Variants in NIBAN1 observed in about 807,000 individuals in gnomAD.
The protein encoded by NIBAN1 is niban apoptosis regulator 1.
NIBAN1 carries 81 observed loss-of-function variants against 75.1 expected under a neutral mutation model. The observed-to-expected ratio is 1.08, with a 90% CI of 0.90 to 1.30. NIBAN1 has a LOEUF of 1.30. Among genes scored for constraint, NIBAN1 ranks in the 50% most tolerant of loss-of-function variants. The pLI is 0.00. For synonymous variants in NIBAN1, 436 were observed against 424.8 expected (o/e 1.03, Z -0.32); for missense variants, 1,133 against 1,128.1 (o/e 1.00, Z -0.06).
chr1:184,867,468 T>G (rs1316206475), intron 5 of NIBAN1, among the ~76,000 whole-genome samples: 1 of 152,184 alleles, frequency 6.6e-6, no homozygotes, highest in Admixed American at 6.5e-5. Context: ...ATACCTAATC[T>G]GATATCCTAA....
chr1:184,800,623 A>C (rs576321848), intron 12 of NIBAN1, among the ~76,000 whole-genome samples: 1 of 152,068 alleles, frequency 6.6e-6, no homozygotes, highest in Admixed American at 6.5e-5. Flanking sequence ...TAAATAGGGA[A>C]TCCTTTCCCC....
At chr1:184,880,054 G>A (rs1198885198) in intron 5 of NIBAN1, among the ~76,000 whole-genome samples, 1 of 152,164 alleles carries the variant, frequency 6.6e-6, no homozygotes, top group Non-Finnish European at 1.5e-5. Context: ...GTGAACACTG[G>A]CATCTGTTTA....
intron 1 of NIBAN1, among the ~76,000 whole-genome samples, chr1:184,934,137 C>T (rs1252643665): frequency 6.6e-6 from 1 of 152,136 alleles, no homozygotes; most frequent in Non-Finnish European, 1.5e-5. Context: ...ACTATGCAGC[C>T]ATAAAAAGTA....
intron 1 of NIBAN1, among the ~76,000 whole-genome samples, chr1:184,939,752 A>G (rs1432121974): frequency 6.6e-6 from 1 of 152,136 alleles, no homozygotes; most frequent in Non-Finnish European, 1.5e-5. Flanking sequence ...TACAAGGAGT[A>G]AGTTATGTCA....
At position 184,867,992 on chromosome 1, in the gene NIBAN1, G is replaced by GA. The variant is rs1161837659; in HGVS notation, c.601+16640dup. On this transcript the variant is annotated intron_variant, in intron 5 of 13. Transcript: ENST00000367511. ...GGTGGGGAAGGAAAAAACAACAAAT[G>GA]AAGAGAAGTCTCAGTTCCTTTCTTA... The GA allele has an allele frequency of 1.0e-5, 10 of 985,318 alleles. No homozygotes were observed. The African/African-American group carries it at 1.7e-4, about 17-fold the overall frequency. The allele number at this position is 985,318 out of a possible 1,614,324, so 61.0% of individuals were successfully genotyped here.
intron 5 of NIBAN1, among the ~76,000 whole-genome samples, chr1:184,862,599 G>A (rs546061220): frequency 2.0e-5 from 3 of 152,274 alleles, no homozygotes; most frequent in Admixed American, 1.3e-4. Context: ...TGCAAATGAA[G>A]AACTTGAAAG....
chr1:184,814,433 T>G (rs1377861274), intron 9 of NIBAN1, among the ~76,000 whole-genome samples: 1 of 152,152 alleles, frequency 6.6e-6, no homozygotes, highest in Non-Finnish European at 1.5e-5. Flanking sequence ...TAAAAATGAT[T>G]TTTATATAAT....
chr1:184,799,568 TG>T (rs1315806276), intron 12 of NIBAN1, among the ~76,000 whole-genome samples: 1 of 143,076 alleles, frequency 7.0e-6, no homozygotes, highest in East Asian at 2.1e-4. Context: ...AGTAATGGGA[TG>T]GCTGGGTCAA....
chr1:184,831,524 C>T (rs561578880), intron 6 of NIBAN1, among the ~76,000 whole-genome samples: 1 of 152,270 alleles, frequency 6.6e-6, no homozygotes, highest in East Asian at 1.9e-4. Flanking sequence ...CACTATTCCT[C>T]GGTACTCACA....
chr1:184,815,168 T>C (rs1289475345), intron 9 of NIBAN1, among the ~76,000 whole-genome samples: 1 of 152,198 alleles, frequency 6.6e-6, no homozygotes, highest in East Asian at 1.9e-4. Flanking sequence ...TGTTTTCTAG[T>C]TGTATAAAAG....
intron 1 of NIBAN1, among the ~76,000 whole-genome samples, chr1:184,971,119 C>G (rs1262371323): frequency 6.6e-6 from 1 of 151,228 alleles, no homozygotes; most frequent in Non-Finnish European, 1.5e-5. Flanking sequence ...AATCCCATCT[C>G]TACAAAAAAT....
intron 1 of NIBAN1, among the ~76,000 whole-genome samples, chr1:184,923,661 G>A (rs926775981): frequency 6.6e-6 from 1 of 152,074 alleles, no homozygotes; most frequent in Admixed American, 6.5e-5. Flanking sequence ...GGGTTGGGTG[G>A]TATGGATATT....
At chr1:184,913,761 GACA>G in intron 1 of NIBAN1, among the ~76,000 whole-genome samples, 1 of 152,182 alleles carries the variant, frequency 6.6e-6, no homozygotes, top group Admixed American at 6.5e-5. Flanking sequence ...GGACTGCCTA[GACA>G]TAAGAGCAAC....
intron 11 of NIBAN1, among the ~76,000 whole-genome samples, chr1:184,804,772 G>GT (rs199598291): frequency 0.024 from 3,400 of 142,186 alleles, 38 homozygotes; most frequent in Non-Finnish European, 0.035. Context: ...CAATATTGGT[G>GT]TTTTTTTTTT....
At chr1:184,939,273 A>G (rs1658032552) in intron 1 of NIBAN1, among the ~76,000 whole-genome samples, 1 of 152,222 alleles carries the variant, frequency 6.6e-6, no homozygotes. Context: ...AAAGAGAGTG[A>G]CACTTCCAGG....
intron 5 of NIBAN1, among the ~76,000 whole-genome samples, chr1:184,837,648 G>T (rs886272991): frequency 2.4e-4 from 36 of 152,110 alleles, no homozygotes; most frequent in African/African-American, 7.5e-4. Context: ...TTTGGCCCCG[G>T]CTTGATTATT....
In NIBAN1 at chr1:184,974,288, G is replaced by A; in HGVS notation, c.55+14C>T. 3 of 1,551,940 alleles carry A rather than the reference G, an allele frequency of 1.9e-6. No homozygotes were observed. On this transcript the variant is annotated intron_variant, in intron 1 of 13. Coordinates refer to ENST00000367511, the MANE Select transcript of NIBAN1 (RefSeq NM_052966.4). Reference sequence around the variant, plus strand: ...GTCAGGGTGCTCCCCAGGCCCCCGGGCGGGCGGGCGTACCTCGGATGTAAG... The same window carrying A: ...GTCAGGGTGCTCCCCAGGCCCCCGGACGGGCGGGCGTACCTCGGATGTAAG...
chr1:184,876,200 A>G (rs1366023402), intron 5 of NIBAN1, among the ~76,000 whole-genome samples: 1 of 151,958 alleles, frequency 6.6e-6, no homozygotes, highest in East Asian at 1.9e-4. Flanking sequence ...GAAAAGAGGA[A>G]GTTGATAAAA....
intron 6 of NIBAN1, among the ~76,000 whole-genome samples, chr1:184,824,962 T>A (rs1654805488): frequency 6.6e-6 from 1 of 152,180 alleles, no homozygotes; most frequent in Admixed American, 6.5e-5. Context: ...CTAAAATTCA[T>A]TATTTCTTCT....
Sources: allele counts gnomAD v4.1 joint callset (sites outside exome capture counted in the v4.1 genomes callset), GRCh38; gene constraint gnomAD v4.1.1; transcripts MANE v1.5; gene names NCBI Gene and HGNC (gene_info 2026-07-23, HGNC 2026-07-21).